KLHL18: variants seen among roughly 807,000 people sequenced by gnomAD.
KLHL18 encodes the protein kelch like family member 18.
In KLHL18, 38 loss-of-function variants were observed where a neutral mutation model predicts 58.5. That is an observed-to-expected ratio of 0.65 (90% CI 0.50 to 0.85). The LOEUF (loss-of-function observed/expected upper bound fraction) is 0.85. KLHL18 is among the 40% of genes least tolerant of loss of function. KLHL18 has a pLI of 0.00. For synonymous variants in KLHL18, 303 were observed against 301.9 expected, an observed-to-expected ratio of 1.00 and a Z score of -0.04; for missense variants, 624 against 778.4, an observed-to-expected ratio of 0.80 and a Z score of 2.36.
intron 3 of KLHL18, among the ~76,000 whole-genome samples, chr3:47,327,884 C>T (rs1416339198): frequency 4.6e-5 from 7 of 152,190 alleles, no homozygotes; most frequent in Non-Finnish European, 7.3e-5. Context: ...AAAACCTTAA[C>T]GTCGGGGAAA....
chr3:47,294,019 G>A (rs1702845159), intron 1 of KLHL18, among the ~76,000 whole-genome samples: 1 of 152,204 alleles, frequency 6.6e-6, no homozygotes, highest in African/African-American at 2.4e-5. Flanking sequence ...TAGCTGCTCA[G>A]TAAACCACTG....
chr3:47,286,210 C>T (rs1473934789), intron 1 of KLHL18, among the ~76,000 whole-genome samples: 7 of 152,208 alleles, frequency 4.6e-5, no homozygotes, highest in African/African-American at 7.2e-5. Context: ...TAGAGCTGGA[C>T]GGGACTGTAG....
At position 47,322,663 on chromosome 3, in the gene KLHL18, A is replaced by G; in HGVS notation, c.356A>G (p.Gln119Arg). 6.2e-7 allele frequency: 1 copy of G among 1,604,980 alleles called. No homozygotes were observed. Among genetic ancestry groups the G allele is most frequent in the Non-Finnish European group, 8.5e-7 (1 of 1,176,024 alleles). Residue 119 changes from glutamine (Q) to arginine (R), a missense_variant, in exon 3 of 10, where the codon CAG (glutamine) becomes CGG (arginine). Transcript: ENST00000232766. ...QSLLMGASFL[Q>R]LQSIKDACCT... ...TTGCTGATGGGGGCGAGCTTCCTGCAGCTGCAGAGCATCAAAGACGCCTGC... is the reference window on the plus strand; with the variant it reads ...TTGCTGATGGGGGCGAGCTTCCTGCGGCTGCAGAGCATCAAAGACGCCTGC...
intron 3 of KLHL18, among the ~76,000 whole-genome samples, chr3:47,329,602 A>G (rs1703807206): frequency 6.6e-6 from 1 of 152,166 alleles, no homozygotes; most frequent in Non-Finnish European, 1.5e-5. Flanking sequence ...AATGCCCTGG[A>G]CACTCAACCA....
chr3:47,313,722 A>AT (rs1383981816), intron 1 of KLHL18, among the ~76,000 whole-genome samples: 29 of 152,146 alleles, frequency 1.9e-4, no homozygotes, highest in African/African-American at 6.7e-4. Context: ...TTTATTTATA[A>AT]TTTTTTTCTC....
intron 1 of KLHL18, among the ~76,000 whole-genome samples, chr3:47,316,761 G>A (rs1285649523): frequency 7.4e-6 from 1 of 135,614 alleles, no homozygotes; most frequent in South Asian, 2.2e-4. Flanking sequence ...ATGTATATGT[G>A]TGTGTATATA....
intron 1 of KLHL18, among the ~76,000 whole-genome samples, chr3:47,284,337 C>CTTTTTT (rs767276527): frequency 5.5e-5 from 7 of 127,148 alleles, no homozygotes; most frequent in East Asian, 2.3e-4. Context: ...TTTCTTTTTT[C>CTTTTTT]TTTTTTTTTT....
rs200337914 is a variant in KLHL18 at position 47,345,192 on chromosome 3, C to G, written c.*1251C>G. 3 of 152,566 alleles carry G rather than the reference C, an allele frequency of 2.0e-5. No individual in the cohort carries two copies. The East Asian group carries it at 5.8e-4, about 29-fold the overall frequency. The allele number at this position is 152,566 out of a possible 1,614,324, so 9.5% of individuals were successfully genotyped here. ...TGTGATGCTTCTGGGGCACGTTGAC[C>G]ATATGCACCTCTAGAACCTAACCAG... is the stretch of plus-strand genomic sequence containing the variant. On this transcript the variant is annotated 3_prime_UTR_variant, in exon 10 of 10. Coordinates refer to ENST00000232766, the MANE Select transcript of KLHL18 (RefSeq NM_025010.5).
chr3:47,297,657 C>A (rs751620930), intron 1 of KLHL18: 3 of 454,760 alleles, frequency 6.6e-6, no homozygotes, highest in Non-Finnish European at 1.3e-5. Context: ...AGAAGGTCAA[C>A]AGTTAAAAAG....
intron 1 of KLHL18, among the ~76,000 whole-genome samples, chr3:47,286,447 GAA>G (rs1201028511): frequency 6.6e-6 from 1 of 152,182 alleles, no homozygotes; most frequent in African/African-American, 2.4e-5. Flanking sequence ...AACAGACACT[GAA>G]AAACTGGTTG....
chr3:47,317,569 A>ACTGATAGAGTAC (rs1703485228), intron 1 of KLHL18, among the ~76,000 whole-genome samples: 1 of 152,158 alleles, frequency 6.6e-6, no homozygotes, highest in Non-Finnish European at 1.5e-5. Context: ...AAAACAAACA[A>ACTGATAGAGTAC]CTGATAGAGT....
At chr3:47,298,208 C>T (rs1278804607) in intron 1 of KLHL18, among the ~76,000 whole-genome samples, 1 of 151,786 alleles carries the variant, frequency 6.6e-6, no homozygotes, top group Admixed American at 6.6e-5. Flanking sequence ...AGTGAGACCC[C>T]ATCTCTACCA....
At chr3:47,336,868 G>A (rs991459709) in intron 7 of KLHL18, 111 bp downstream of exon 7, 1 of 859,004 alleles carries the variant, frequency 1.2e-6, no homozygotes, top group African/African-American at 1.7e-5. Context: ...TGGCCTGGGA[G>A]TTTCCTGCAG....
chr3:47,288,619 T>C (rs534260561), intron 1 of KLHL18, among the ~76,000 whole-genome samples: 1 of 152,282 alleles, frequency 6.6e-6, no homozygotes, highest in African/African-American at 2.4e-5. Context: ...TAATTTCCTT[T>C]TGGAAAATAT....
rs1034639818 is a variant in KLHL18 at position 47,328,039 on chromosome 3, G to A, written c.402-1912G>A. On this transcript the variant is annotated intron_variant, in intron 3 of 9. Transcript: ENST00000232766. ...CACCAAGATTTTAGAATCGCACTGG[G>A]CTCGTTTGGAATTTTCTTAGATGCA... Among the ~76,000 whole-genome samples, 4 of 152,012 alleles carry A rather than the reference G, an allele frequency of 2.6e-5. No homozygotes were observed. The South Asian group carries it at 8.3e-4, about 32-fold the overall frequency.
At chr3:47,320,935 T>G (rs1269976624) in intron 2 of KLHL18, among the ~76,000 whole-genome samples, 1 of 152,042 alleles carries the variant, frequency 6.6e-6, no homozygotes, top group African/African-American at 2.4e-5. Flanking sequence ...GAAAGAAATC[T>G]TAGGCCAGTT....
chr3:47,336,220 C>T (rs1460573836), intron 6 of KLHL18, among the ~76,000 whole-genome samples: 1 of 152,238 alleles, frequency 6.6e-6, no homozygotes, highest in Admixed American at 6.5e-5. Flanking sequence ...GTCCCTCTGG[C>T]ATGCCTCCTG....
chr3:47,318,037 T>G (rs1172574409), intron 1 of KLHL18, among the ~76,000 whole-genome samples: 3 of 152,060 alleles, frequency 2.0e-5, no homozygotes, highest in Non-Finnish European at 4.4e-5. Context: ...TTTTTGTATT[T>G]ATTGTAGAGA....
intron 5 of KLHL18, among the ~76,000 whole-genome samples, chr3:47,333,836 A>G (rs1703923868): frequency 6.6e-6 from 1 of 152,258 alleles, no homozygotes; most frequent in East Asian, 1.9e-4. Context: ...CAATGACAAC[A>G]TGGTACAGCA....
Sources: gnomAD v4.1 joint callset for allele counts (sites outside exome capture counted in the v4.1 genomes callset) on GRCh38, gnomAD v4.1.1 for gene constraint, MANE v1.5 for transcripts, NCBI Gene and HGNC (gene_info 2026-07-23, HGNC 2026-07-21) for gene names.